The following HMGCLL1 variants were observed in gnomAD, a reference collection of about 807,000 sequenced individuals.
HMGCLL1 encodes the protein 3-hydroxy-3-methylglutaryl-CoA lyase like 1.
Under a neutral mutation model 39.1 loss-of-function variants are expected in HMGCLL1, and 36 were observed. The ratio of observed to expected loss-of-function variants is 0.92; its 90% CI spans 0.71 to 1.22. The LOEUF (loss-of-function observed/expected upper bound fraction) is 1.22, where lower values mean the gene tolerates loss of function less well. Ranked by LOEUF, HMGCLL1 falls within the 50% of genes most tolerant of loss-of-function variation. The pLI, the probability that HMGCLL1 is intolerant of heterozygous loss-of-function variation, is 0.00. For synonymous variants in HMGCLL1, 149 were observed against 144.0 expected (o/e 1.03, Z -0.25); for missense variants, 451 against 416.5 (o/e 1.08, Z -0.72).
chr6:55,587,101 T>C, the HMGCLL1 span, among the ~76,000 whole-genome samples: 1 of 152,136 alleles, frequency 6.6e-6, no homozygotes, highest in Non-Finnish European at 1.5e-5. Context: ...TGGTGTGAGA[T>C]GGTATCTCAA....
chr6:55,520,989 A>G (rs988279833), intron 3 of HMGCLL1, among the ~76,000 whole-genome samples: 1 of 152,130 alleles, frequency 6.6e-6, no homozygotes, highest in African/African-American at 2.4e-5. Context: ...AGTTTTCAAG[A>G]TATGCAAAGC....
chr6:55,672,338 TAA>T, the HMGCLL1 span, among the ~76,000 whole-genome samples: 24 of 151,988 alleles, frequency 1.6e-4, no homozygotes, highest in East Asian at 4.6e-3. Context: ...TTTGTGAATT[TAA>T]GTTTTATAAA....
the HMGCLL1 span, among the ~76,000 whole-genome samples, chr6:55,641,704 A>G: frequency 2.6e-5 from 4 of 152,084 alleles, no homozygotes; most frequent in East Asian, 7.7e-4. Flanking sequence ...TACGTATTCT[A>G]TAACTAGAAA....
intron 1 of HMGCLL1, among the ~76,000 whole-genome samples, chr6:55,550,334 G>A (rs1463459382): frequency 6.6e-6 from 1 of 151,868 alleles, no homozygotes; most frequent in East Asian, 1.9e-4. Flanking sequence ...CCCCTTTTCT[G>A]TAATCACCCT....
chr6:55,567,662 A>T (rs1771282354), intron 1 of HMGCLL1, among the ~76,000 whole-genome samples: 1 of 152,184 alleles, frequency 6.6e-6, no homozygotes, highest in South Asian at 2.1e-4. Flanking sequence ...TAAACAGCAG[A>T]ATGGAGAACT....
rs868102086 is a variant in HMGCLL1, at chr6:55,477,283, T to A, written c.795+18136A>T. Reference sequence around the variant, plus strand: ...TATATTATATAATATATATTATATATTATATATAAAATAATATATATTATA... The same window carrying A: ...TATATTATATAATATATATTATATAATATATATAAAATAATATATATTATA... On this transcript the variant is annotated intron_variant, in intron 7 of 8. Coordinates refer to ENST00000274901, the MANE Select transcript of HMGCLL1 (RefSeq NM_001042406.2). 2.4e-4 allele frequency among the ~76,000 whole-genome samples: 4 copies of A among 16,400 alleles called. No homozygotes were observed. The African/African-American group carries it at 2.9e-3, about 12-fold the overall frequency. 10.8% of individuals were successfully genotyped at this position (16,400 alleles called of 152,430 possible). A position where few individuals can be genotyped will look rare whatever the true frequency, so the allele number is the denominator to read the frequency against.
At chr6:55,483,295 C>T (rs1384920955) in intron 7 of HMGCLL1, among the ~76,000 whole-genome samples, 1 of 152,102 alleles carries the variant, frequency 6.6e-6, no homozygotes, top group African/African-American at 2.4e-5. Flanking sequence ...GAGATGGAGT[C>T]ACACTCTGTC....
At chr6:55,456,097 T>C (rs1764309103) in intron 7 of HMGCLL1, among the ~76,000 whole-genome samples, 1 of 152,144 alleles carries the variant, frequency 6.6e-6, no homozygotes, top group Admixed American at 6.5e-5. Context: ...GCATATAAGC[T>C]TCCAGATGGC....
chr6:55,458,803 A>G (rs1415883233), intron 7 of HMGCLL1, among the ~76,000 whole-genome samples: 6 of 152,228 alleles, frequency 3.9e-5, no homozygotes, highest in African/African-American at 7.2e-5. Context: ...ACTTTCTTCC[A>G]TATCACAAAA....
chr6:55,513,908 T>G, intron 5 of HMGCLL1, 140 bp downstream of exon 5: 1 of 699,454 alleles, frequency 1.4e-6, no homozygotes, highest in Non-Finnish European at 2.3e-6. Context: ...AACTATATAG[T>G]GATTACCCTG....
At chr6:55,476,635 C>T (rs114824649) in intron 7 of HMGCLL1, among the ~76,000 whole-genome samples, 2,222 of 151,718 alleles carry the variant, frequency 0.015, 32 homozygotes, top group Non-Finnish European at 0.025. Flanking sequence ...GAGATAATCA[C>T]AAGATTTTTC....
chr6:55,477,267 TAA>T (rs1765411396), intron 7 of HMGCLL1, among the ~76,000 whole-genome samples: 4 of 23,328 alleles, frequency 1.7e-4, no homozygotes, highest in Non-Finnish European at 2.4e-4. Context: ...ATATATTATA[TAA>T]TATATATTAT....
At chr6:55,519,665 A>C (rs62405368) in intron 3 of HMGCLL1, among the ~76,000 whole-genome samples, 34,786 of 152,030 alleles carry the variant, frequency 0.23, 4,149 homozygotes, top group Admixed American at 0.3. Context: ...AACAACACTA[A>C]AGAATAATGT....
chr6:55,646,164 T>C, the HMGCLL1 span, among the ~76,000 whole-genome samples: 1 of 151,924 alleles, frequency 6.6e-6, no homozygotes, highest in Non-Finnish European at 1.5e-5. Flanking sequence ...CTTCTAGATA[T>C]TCCAACTTAT....
At chr6:55,653,657 T>C in the HMGCLL1 span, among the ~76,000 whole-genome samples, 49,343 of 151,642 alleles carry the variant, frequency 0.33, 8,232 homozygotes, top group East Asian at 0.41. Context: ...GTACCTTGCT[T>C]CCCATCTCAG....
intron 7 of HMGCLL1, among the ~76,000 whole-genome samples, chr6:55,489,494 T>C (rs138767025): frequency 7.2e-5 from 11 of 151,844 alleles, no homozygotes; most frequent in African/African-American, 2.7e-4. Flanking sequence ...AATATTAGAC[T>C]GAGAAGAAAC....
chr6:55,587,345 G>A, the HMGCLL1 span, among the ~76,000 whole-genome samples: 12 of 151,780 alleles, frequency 7.9e-5, no homozygotes, highest in African/African-American at 2.7e-4. Context: ...TCTGTAGGTC[G>A]CCTGTACAGA....
At chr6:55,633,299 G>C in the HMGCLL1 span, among the ~76,000 whole-genome samples, 3 of 151,808 alleles carry the variant, frequency 2.0e-5, no homozygotes, top group African/African-American at 7.3e-5. Flanking sequence ...ATGCCCTTTA[G>C]TTACAGGAAT....
upstream of HMGCLL1, among the ~76,000 whole-genome samples, chr6:55,580,438 C>T (rs1446624768): frequency 2.6e-3 from 190 of 73,232 alleles, no homozygotes; most frequent in African/African-American, 8.8e-3. Flanking sequence ...TTTTTTGAGA[C>T]GGAGTCTCGC....
Sources: gnomAD v4.1 joint callset for allele counts (sites outside exome capture counted in the v4.1 genomes callset) on GRCh38, gnomAD v4.1.1 for gene constraint, MANE v1.5 for transcripts, NCBI Gene and HGNC (gene_info 2026-07-23, HGNC 2026-07-21) for gene names.